TMC1: variants seen among roughly 807,000 people sequenced by gnomAD.
The protein encoded by TMC1 is transmembrane channel like 1.
Under a neutral mutation model 105.8 loss-of-function variants are expected in TMC1, and 84 were observed. The ratio of observed to expected loss-of-function variants is 0.79; its 90% confidence interval spans 0.67 to 0.95. The LOEUF (loss-of-function observed/expected upper bound fraction) is 0.95, where lower values mean the gene tolerates loss of function less well. TMC1 is among the 40% of genes least tolerant of loss of function. The pLI is 0.00. For synonymous variants in TMC1, 315 were observed against 311.5 expected (o/e 1.01, Z -0.12); for missense variants, 817 against 914.1 (o/e 0.89, Z 1.37).
At chr9:72,672,321 A>G (rs1225277044) in intron 5 of TMC1, among the ~76,000 whole-genome samples, 1 of 152,094 alleles carries the variant, frequency 6.6e-6, no homozygotes. Context: ...TTGTTTTTTT[A>G]ATGAAATATA....
rs1238720198 is a variant in TMC1 at position 72,820,884 on chromosome 9, C to T, written c.1806C>T (p.Ile602=). Reference sequence around the variant, plus strand: ...CTCCCAGCCTCCCAGGCATCAATATCCTTCGACTCCATACATCCATGTACT... The same window carrying T: ...CTCCCAGCCTCCCAGGCATCAATATTCTTCGACTCCATACATCCATGTACT... ...FFAPSLPGIN[I]LRLHTSMYFQ... The change falls in exon 20 of 24, where the codon ATC becomes ATT. Residue 602 remains isoleucine (I), a synonymous_variant. Transcript: ENST00000297784. 2 of 1,614,164 alleles carry T rather than the reference C, an allele frequency of 1.2e-6. No individual in the cohort carries two copies. Among genetic ancestry groups the T allele is most frequent in the Non-Finnish European group, 8.5e-7 (1 of 1,180,020 alleles).
chr9:72,585,810 G>T (rs1228316067), intron 2 of TMC1, among the ~76,000 whole-genome samples: 1 of 152,172 alleles, frequency 6.6e-6, no homozygotes, highest in African/African-American at 2.4e-5. Flanking sequence ...GATGTGTGTT[G>T]TGTAGGAATG....
chr9:72,646,277 T>C (rs2132147937), intron 4 of TMC1, among the ~76,000 whole-genome samples: 1 of 152,340 alleles, frequency 6.6e-6, no homozygotes, highest in South Asian at 2.1e-4. Context: ...TTTATTGTAA[T>C]AGTCTTAGTA....
chr9:72,668,633 C>T (rs1328629208), intron 5 of TMC1, among the ~76,000 whole-genome samples: 1 of 152,180 alleles, frequency 6.6e-6, no homozygotes, highest in African/African-American at 2.4e-5. Flanking sequence ...TCATCATTTT[C>T]CTCTAAAAGT....
At position 72,789,833 on chromosome 9, in the gene TMC1, A is replaced by G. The variant is rs538651767; in HGVS notation, c.1224+516A>G. Among the ~76,000 whole-genome samples the G allele has an allele frequency of 7.2e-5, 11 of 152,306 alleles. No individual in the cohort carries two copies. In the South Asian group the frequency reaches 1.9e-3, roughly 26 times the overall value. On this transcript the variant is annotated intron_variant, in intron 15 of 23. Coordinates refer to ENST00000297784, the MANE Select transcript of TMC1 (RefSeq NM_138691.3). Reference sequence around the variant, plus strand: ...TCAGATTGCTTCTCCACCTTTGGGCATGTCTGGGCTTCCCTCTGTTTTCAT... The same window carrying G: ...TCAGATTGCTTCTCCACCTTTGGGCGTGTCTGGGCTTCCCTCTGTTTTCAT...
rs145287923 is a variant in TMC1 at position 72,710,296 on chromosome 9, C to T, written c.362+9653C>T. Among the ~76,000 whole-genome samples the T allele has an allele frequency of 6.8e-4, 104 of 152,242 alleles. 4 individuals carry two copies. The East Asian group carries it at 0.017, about 24-fold the overall frequency. ...TTTATCTTGGAGAAAGTTCCATGCA[C>T]TGATGAATGGAATGTATACTCTGTG... is the stretch of plus-strand genomic sequence containing the variant. On this transcript the variant is annotated intron_variant, in intron 8 of 23. Coordinates refer to ENST00000297784, the MANE Select transcript of TMC1 (RefSeq NM_138691.3).
intron 8 of TMC1, among the ~76,000 whole-genome samples, chr9:72,731,802 C>T (rs181901414): frequency 1.2e-4 from 19 of 152,174 alleles, no homozygotes; most frequent in Non-Finnish European, 1.9e-4. Context: ...TTCCCCTGCA[C>T]CAGAATGTCC....
At chr9:72,717,879 C>T (rs1838488) in intron 8 of TMC1, among the ~76,000 whole-genome samples, 84,765 of 151,910 alleles carry the variant, frequency 0.56, 24,852 homozygotes, top group African/African-American at 0.76. Context: ...ATTATTCCCC[C>T]AAATATGTTT....
At chr9:72,586,944 G>C (rs948458740) in intron 2 of TMC1, among the ~76,000 whole-genome samples, 3 of 152,126 alleles carry the variant, frequency 2.0e-5, no homozygotes, top group African/African-American at 7.2e-5. Flanking sequence ...GCATCAATTG[G>C]TGTAGTCTAT....
At chr9:72,764,511 A>T (rs1312699508) in intron 12 of TMC1, among the ~76,000 whole-genome samples, 1 of 152,200 alleles carries the variant, frequency 6.6e-6, no homozygotes, top group African/African-American at 2.4e-5. Context: ...ATGCAATTAG[A>T]CAGTAGGAAA....
intron 17 of TMC1, among the ~76,000 whole-genome samples, chr9:72,801,428 A>G (rs923841501): frequency 6.6e-6 from 1 of 152,212 alleles, no homozygotes; most frequent in Non-Finnish European, 1.5e-5. Context: ...GATCTCTGAG[A>G]AAGTCAATGA....
intron 1 of TMC1, among the ~76,000 whole-genome samples, chr9:72,574,475 C>T (rs1216897117): frequency 6.6e-6 from 1 of 152,162 alleles, no homozygotes; most frequent in African/African-American, 2.4e-5. Context: ...AGAAAGCAAC[C>T]CAGATTAAAG....
At chr9:72,617,563 C>T (rs768814333) in intron 3 of TMC1, among the ~76,000 whole-genome samples, 1 of 152,204 alleles carries the variant, frequency 6.6e-6, no homozygotes, top group South Asian at 2.1e-4. Flanking sequence ...TGGCATAAGA[C>T]CACTGTGAAT....
At position 72,521,766 on chromosome 9, in the gene TMC1, A is replaced by T. The variant is rs1823316674; in HGVS notation, c.-575A>T. The T allele has an allele frequency of 6.6e-6, 1 of 151,986 alleles. No homozygotes were observed. Among genetic ancestry groups the T allele is most frequent in the South Asian group, 2.1e-4 (1 of 4,820 alleles). 9.4% of individuals were successfully genotyped at this position (151,986 alleles called of 1,614,324 possible). On this transcript the variant is annotated 5_prime_UTR_variant, in exon 1 of 24. Coordinates refer to ENST00000297784, the MANE Select transcript of TMC1 (RefSeq NM_138691.3). ...ACAAAAAAAAAAAGAAAAAAGAAACACCAGTTTTCTGATTTCACCGAAGAC... is the reference window on the plus strand; with the variant it reads ...ACAAAAAAAAAAAGAAAAAAGAAACTCCAGTTTTCTGATTTCACCGAAGAC...
At chr9:72,812,013 G>T (rs1828714191) in intron 18 of TMC1, among the ~76,000 whole-genome samples, 1 of 152,182 alleles carries the variant, frequency 6.6e-6, no homozygotes, top group South Asian at 2.1e-4. Context: ...ACACATTAAT[G>T]GTTAGTGGTA....
rs193089457 is a variant in TMC1 at position 72,639,507 on chromosome 9, A to G, written c.-52-9090A>G. On this transcript the variant is annotated intron_variant, in intron 4 of 23. Transcript: ENST00000297784. ...TAGAAAAATCCTTTGAAAAAGGAAA[A>G]TTATATTTGACAGTTTTCTAAAGAT... 5.0e-4 allele frequency among the ~76,000 whole-genome samples: 76 copies of G among 152,272 alleles called. 1 individual carries two copies. The highest frequency in any genetic ancestry group is 9.1e-4 in the Non-Finnish European group (62 of 67,998).
chr9:72,634,818 A>G (rs1181494007), intron 4 of TMC1, among the ~76,000 whole-genome samples: 3 of 152,206 alleles, frequency 2.0e-5, no homozygotes, highest in Non-Finnish European at 4.4e-5. Flanking sequence ...AGTTTACTTT[A>G]AAAGGAAATT....
At chr9:72,762,323 G>A (rs1827770125) in intron 12 of TMC1, among the ~76,000 whole-genome samples, 1 of 152,188 alleles carries the variant, frequency 6.6e-6, no homozygotes, top group African/African-American at 2.4e-5. Context: ...GGTCCACTCT[G>A]GTGGGTCCAA....
intron 8 of TMC1, among the ~76,000 whole-genome samples, chr9:72,734,496 G>A (rs896694888): frequency 1.1e-4 from 16 of 151,644 alleles, no homozygotes; most frequent in Non-Finnish European, 2.1e-4. Context: ...CCAGTATTTG[G>A]GATGATTTTC....
Sources: allele counts gnomAD v4.1 joint callset (sites outside exome capture counted in the v4.1 genomes callset), GRCh38; gene constraint gnomAD v4.1.1; transcripts MANE v1.5; gene names NCBI Gene and HGNC (gene_info 2026-07-23, HGNC 2026-07-21).